The following CD96 variants were observed in gnomAD, a reference collection of about 807,000 sequenced individuals.
CD96 encodes the protein T-cell surface protein tactile.
Under a neutral mutation model 71.3 loss-of-function variants are expected in CD96, and 70 were observed. The ratio of observed to expected loss-of-function variants is 0.98; its 90% CI spans 0.81 to 1.20. The LOEUF is 1.20. Ranked by LOEUF, CD96 falls within the 50% of genes most tolerant of loss-of-function variation. CD96 has a pLI of 0.00. For synonymous variants in CD96, 248 were observed against 233.0 expected, an observed-to-expected ratio of 1.06 and a Z score of -0.59; for missense variants, 742 against 677.5, an observed-to-expected ratio of 1.10 and a Z score of -1.06.
chr3:111,593,262 C>T (rs1352505078), intron 5 of CD96: 3 of 315,166 alleles, frequency 9.5e-6, no homozygotes, highest in African/African-American at 2.1e-5. Context: ...CTGGCTGGTA[C>T]ATTCTGCCCT....
In CD96 at chr3:111,593,643, C is replaced by T. The variant is rs554406437; in HGVS notation, c.808-4477C>T. 6.2e-6 allele frequency: 10 copies of T among 1,604,742 alleles called. No homozygotes were observed. The South Asian group carries it at 1.1e-4, about 18-fold the overall frequency. On this transcript the variant is annotated intron_variant, in intron 5 of 13. Transcript: ENST00000352690. ...ACCTTCCACTTCATCTCCAGGATGG[C>T]CCTTTCCACCTCCTCCAGGGCTCGC...
At chr3:111,662,669 T>C (rs1940386059) in intron 14 of CD96, among the ~76,000 whole-genome samples, 1 of 152,210 alleles carries the variant, frequency 6.6e-6, no homozygotes, top group Non-Finnish European at 1.5e-5. Flanking sequence ...ACCAGTCTCT[T>C]TGCTAAAGCA....
intron 1 of CD96, among the ~76,000 whole-genome samples, chr3:111,542,606 T>G (rs1213746529): frequency 6.6e-6 from 1 of 152,234 alleles, no homozygotes; most frequent in African/African-American, 2.4e-5. Context: ...CAAATTGTGT[T>G]TCTTGGAAAT....
downstream of CD96, among the ~76,000 whole-genome samples, chr3:111,652,702 T>C (rs1232173578): frequency 6.6e-6 from 1 of 152,190 alleles, no homozygotes; most frequent in Non-Finnish European, 1.5e-5. Context: ...CTTCAGTGAG[T>C]AGTTCAGAGG....
At chr3:111,573,600 G>T (rs1252352232) in intron 3 of CD96, among the ~76,000 whole-genome samples, 1 of 148,628 alleles carries the variant, frequency 6.7e-6, no homozygotes, top group East Asian at 1.9e-4. Context: ...CCCAAAGTCA[G>T]TGAAAATAAA....
chr3:111,543,158 G>A (rs1293378776), intron 1 of CD96, among the ~76,000 whole-genome samples: 1 of 152,166 alleles, frequency 6.6e-6, no homozygotes, highest in African/African-American at 2.4e-5. Flanking sequence ...CATTTGTCAA[G>A]TACTTTTACT....
intron 8 of CD96, among the ~76,000 whole-genome samples, chr3:111,618,297 G>A (rs925816136): frequency 1.3e-5 from 2 of 152,314 alleles, no homozygotes; most frequent in East Asian, 3.9e-4. Flanking sequence ...ATTTCTGGCT[G>A]GCAAAGCAAG....
rs1210337975 is a variant in CD96, at chr3:111,613,517, T to TTGATGAAGCTGATTCAAA, written c.1180+6764_1180+6781dup. Among the ~76,000 whole-genome samples the TTGATGAAGCTGATTCAAA allele has an allele frequency of 3.9e-5, 6 of 152,320 alleles. No homozygotes were observed. In the East Asian group the frequency reaches 5.8e-4, roughly 15 times the overall value. On this transcript the variant is annotated intron_variant, in intron 8 of 13. Transcript: ENST00000352690. Reference sequence around the variant, plus strand: ...GCCCACGTTATCCTGACCACACAGATTGATGAAGCTGATTCAAATGATGAA... The same window carrying TTGATGAAGCTGATTCAAA: ...GCCCACGTTATCCTGACCACACAGATTGATGAAGCTGATTCAAATGATGAAGCTGATTCAAATGATGAA...
At chr3:111,646,723 C>T (rs562277328) in intron 12 of CD96, among the ~76,000 whole-genome samples, 2 of 151,956 alleles carry the variant, frequency 1.3e-5, no homozygotes, top group South Asian at 4.2e-4. Context: ...TGGATATATA[C>T]CCAAAGGAAT....
In CD96 at chr3:111,542,358, G is replaced by A. The variant is rs763743477; in HGVS notation, c.61+49G>A. 19 of 1,316,682 alleles carry A rather than the reference G, an allele frequency of 1.4e-5. No individual in the cohort carries two copies. In the Admixed American group the frequency reaches 1.9e-4, roughly 13 times the overall value. 81.6% of individuals were successfully genotyped at this position (1,316,682 alleles called of 1,614,324 possible). On this transcript the variant is annotated intron_variant, in intron 1 of 13. Coordinates refer to ENST00000352690, the MANE Select transcript of CD96 (RefSeq NM_005816.5). ...TTGTCGGATGGGCCGCTTTAGGGGCGGATGGGGCCTCTGTTCATTTAAAAT... is the reference window on the plus strand; with the variant it reads ...TTGTCGGATGGGCCGCTTTAGGGGCAGATGGGGCCTCTGTTCATTTAAAAT...
At chr3:111,568,687 T>C (rs926535381) in intron 3 of CD96, among the ~76,000 whole-genome samples, 1 of 152,196 alleles carries the variant, frequency 6.6e-6, no homozygotes, top group South Asian at 2.1e-4. Flanking sequence ...ATTTTTAAAA[T>C]CTAAATTTAA....
At chr3:111,616,561 A>G in intron 8 of CD96, among the ~76,000 whole-genome samples, 1 of 152,174 alleles carries the variant, frequency 6.6e-6, no homozygotes, top group East Asian at 1.9e-4. Flanking sequence ...ATGATGATGC[A>G]TGCTGCAGCA....
At chr3:111,579,990 T>C (rs1218802163) in intron 4 of CD96, among the ~76,000 whole-genome samples, 1 of 152,196 alleles carries the variant, frequency 6.6e-6, no homozygotes, top group Non-Finnish European at 1.5e-5. Context: ...CAAAATCTAA[T>C]TGTTTAGTTG....
At chr3:111,600,665 ATTATTGTATGGCT>A in intron 6 of CD96, 48 bp from the exon 7 acceptor site, 1 of 1,257,134 alleles carries the variant, frequency 8.0e-7, no homozygotes, top group Non-Finnish European at 1.2e-6. Context: ...ATGCCTTGGC[ATTATTGTATGGCT>A]CATACATAAA....
chr3:111,655,990 G>C (rs937446402), downstream of CD96, among the ~76,000 whole-genome samples: 35 of 151,802 alleles, frequency 2.3e-4, no homozygotes, highest in African/African-American at 7.7e-4. Flanking sequence ...TGAAAGAAAA[G>C]ATGGATAAAT....
In CD96 at chr3:111,570,876, G is replaced by A. The variant is rs967628620; in HGVS notation, c.543+3229G>A. On this transcript the variant is annotated intron_variant, in intron 3 of 13. Transcript: ENST00000352690. ...CAAGGGTCCTGACCGCTCTTCCAAG[G>A]TGGGCAGCTCATGGTATCGAGGCAT... The A allele has an allele frequency of 7.5e-6, 12 of 1,607,342 alleles. No homozygotes were observed. The African/African-American group carries it at 1.2e-4, about 16-fold the overall frequency.
rs1425067570 is a variant in CD96, at chr3:111,579,203, C to A, written c.720C>A (p.Ile240=). The A allele has an allele frequency of 3.7e-6, 6 of 1,607,596 alleles. No homozygotes were observed. The highest frequency in any genetic ancestry group is 5.1e-6 in the Non-Finnish European group (6 of 1,173,956). The change falls in exon 4 of 14, where the codon ATC becomes ATA. Residue 240 remains isoleucine (I), a synonymous_variant. Coordinates refer to ENST00000352690, the MANE Select transcript of CD96 (RefSeq NM_005816.5). Reference sequence around the variant, plus strand: ...ACATTAGAGTCGGTCCTAACAAAATCTTGAGGAGCTCCACCACAGTCAAGG... The same window carrying A: ...ACATTAGAGTCGGTCCTAACAAAATATTGAGGAGCTCCACCACAGTCAAGG... ...SCHIRVGPNK[I]LRSSTTVKVF...
intron 5 of CD96, chr3:111,594,304 T>C (rs1576364740): frequency 7.1e-7 from 1 of 1,403,064 alleles, no homozygotes. Context: ...CTGTGGTAAC[T>C]CTTGGGGATT....
chr3:111,552,684 A>G (rs539902916), intron 2 of CD96, among the ~76,000 whole-genome samples: 5 of 152,014 alleles, frequency 3.3e-5, no homozygotes, highest in Admixed American at 1.3e-4. Context: ...ATAGGCAACA[A>G]GCCAGATTTG....
Sources: gnomAD v4.1 joint callset for allele counts (sites outside exome capture counted in the v4.1 genomes callset) on GRCh38, gnomAD v4.1.1 for gene constraint, MANE v1.5 for transcripts, NCBI Gene and HGNC (gene_info 2026-07-23, HGNC 2026-07-21) for gene names.